The following CNTLN variants were observed in gnomAD, a reference collection of about 807,000 sequenced individuals.
The protein encoded by CNTLN is centlein.
CNTLN carries 212 observed loss-of-function variants against 180.0 expected under a neutral mutation model. The ratio of observed to expected loss-of-function variants is 1.18; its 90% CI spans 1.05 to 1.32. The LOEUF (loss-of-function observed/expected upper bound fraction) is 1.32. Ranked by LOEUF, CNTLN falls within the 40% of genes most tolerant of loss-of-function variation. The pLI, the probability that CNTLN is intolerant of heterozygous loss-of-function variation, is 0.00. For missense variants in CNTLN, 2,095 were observed against 1,610.9 expected (o/e 1.30, Z -5.14); for synonymous variants, 722 against 563.1 (o/e 1.28, Z -3.99).
At chr9:17,465,337 C>G (rs892469006) in intron 21 of CNTLN, among the ~76,000 whole-genome samples, 1 of 150,576 alleles carries the variant, frequency 6.6e-6, no homozygotes, top group African/African-American at 2.4e-5. Flanking sequence ...TTCTCTTCCA[C>G]ACATCTGTGC....
intron 3 of CNTLN, among the ~76,000 whole-genome samples, chr9:17,228,065 C>A (rs765626498): frequency 1.3e-5 from 2 of 151,962 alleles, no homozygotes; most frequent in Non-Finnish European, 2.9e-5. Flanking sequence ...AATGTAGATA[C>A]AAGTTTAGCG....
intron 8 of CNTLN, among the ~76,000 whole-genome samples, chr9:17,329,819 C>A (rs1432432870): frequency 6.6e-6 from 1 of 151,148 alleles, no homozygotes; most frequent in African/African-American, 2.4e-5. Context: ...GCTACTAGAT[C>A]CTTATTGATA....
intron 2 of CNTLN, among the ~76,000 whole-genome samples, chr9:17,152,094 A>G (rs1310162695): frequency 6.6e-6 from 1 of 151,784 alleles, no homozygotes. Flanking sequence ...TGTTTTGTTG[A>G]TGTTTTCAAA....
At chr9:17,269,826 C>G (rs1332177652) in intron 5 of CNTLN, among the ~76,000 whole-genome samples, 1 of 152,068 alleles carries the variant, frequency 6.6e-6, no homozygotes, top group Non-Finnish European at 1.5e-5. Context: ...TTCTAGACCA[C>G]CACAATAAAG....
At chr9:17,416,659 G>A (rs1465453293) in intron 18 of CNTLN, among the ~76,000 whole-genome samples, 1 of 152,100 alleles carries the variant, frequency 6.6e-6, no homozygotes, top group African/African-American at 2.4e-5. Context: ...CTATTTTAAT[G>A]TATTCCAGTA....
At position 17,309,064 on chromosome 9, in the gene CNTLN, A is replaced by G. The variant is rs1818943297; in HGVS notation, c.1153A>G (p.Asn385Asp). The G allele has an allele frequency of 6.3e-7, 1 of 1,574,850 alleles. No individual in the cohort carries two copies. The highest frequency in any genetic ancestry group is 8.6e-7 in the Non-Finnish European group (1 of 1,166,476). The change falls in exon 8 of 26, where the codon AAT (asparagine) becomes GAT (aspartate). Residue 385 changes from asparagine to aspartate, a missense_variant. By Grantham distance (23) the Asn-to-Asp change is conservative. Coordinates refer to ENST00000380647, the MANE Select transcript of CNTLN (RefSeq NM_017738.4). ...AESISYQKLY[N>D]ELHICFETTK... ...GATATATTTTTTGAAACAGCTTTAC[A>G]ATGAGTTACATATTTGTTTTGAAAC... is the stretch of plus-strand genomic sequence containing the variant.
intron 5 of CNTLN, among the ~76,000 whole-genome samples, chr9:17,272,385 T>G (rs1828016270): frequency 6.6e-6 from 1 of 152,164 alleles, no homozygotes; most frequent in Admixed American, 6.6e-5. Flanking sequence ...AGATAATGTT[T>G]ATTTCTGATT....
At chr9:17,273,712 A>T in intron 5 of CNTLN, 21 bp from the exon 6 acceptor site, 1 of 1,344,082 alleles carries the variant, frequency 7.4e-7, no homozygotes, top group Non-Finnish European at 1.0e-6. Flanking sequence ...TTGATTATTG[A>T]TATAAGCACT....
chr9:17,359,999 T>A lies in CNTLN; in HGVS notation c.1887-6618T>A, dbSNP rs144356888. ...AGTGTTCATCTTGATGTGTCTTATT[T>A]TTCTAGATTTTTAAATTGGAAGCTT... On this transcript the variant is annotated intron_variant, in intron 12 of 25. Coordinates refer to ENST00000380647, the MANE Select transcript of CNTLN (RefSeq NM_017738.4). Among the ~76,000 whole-genome samples the A allele has an allele frequency of 7.3e-3, 1,113 of 152,248 alleles. 7 individuals are homozygous for A. Among genetic ancestry groups the A allele is most frequent in the South Asian group, 0.039 (189 of 4,806 alleles).
chr9:17,318,084 G>T (rs1819650623), intron 8 of CNTLN, among the ~76,000 whole-genome samples: 1 of 149,748 alleles, frequency 6.7e-6, no homozygotes, highest in Non-Finnish European at 1.5e-5. Flanking sequence ...CTGGAGTCCA[G>T]TGGCATAATC....
chr9:17,416,161 G>A lies in CNTLN; in HGVS notation c.3086G>A (p.Arg1029Gln), dbSNP rs754809682. 6.8e-6 allele frequency: 11 copies of A among 1,613,082 alleles called. No individual in the cohort carries two copies. The highest frequency in any genetic ancestry group is 3.3e-5 in the South Asian group (3 of 90,938). The change falls in exon 18 of 26, where the codon CGA (arginine) becomes CAA (glutamine). Residue 1029 changes from arginine to glutamine, a missense_variant. Physicochemically the swap from Arg to Gln is conservative, Grantham distance 43. Coordinates refer to ENST00000380647, the MANE Select transcript of CNTLN (RefSeq NM_017738.4). Reference protein sequence around the residue: ...LLHQQQVSDQRFQTSRQTIKK... With the variant: ...LLHQQQVSDQQFQTSRQTIKK... ...CATCAACAGCAAGTATCCGATCAAC[G>A]ATTTCAGACAAGCAGGCAGACAATA...
intron 25 of CNTLN, among the ~76,000 whole-genome samples, chr9:17,500,304 C>T (rs7036629): frequency 1.3e-5 from 2 of 152,108 alleles, no homozygotes; most frequent in Admixed American, 1.3e-4. Context: ...TGGAGGCTTT[C>T]TGGAAGAGTT....
At chr9:17,489,973 G>A (rs745591325) in intron 25 of CNTLN, among the ~76,000 whole-genome samples, 18 of 152,038 alleles carry the variant, frequency 1.2e-4, no homozygotes, top group Non-Finnish European at 2.6e-4. Flanking sequence ...TTTTCACATT[G>A]ATATATTTTT....
chr9:17,205,335 T>C (rs1244645430), intron 2 of CNTLN, among the ~76,000 whole-genome samples: 1 of 152,112 alleles, frequency 6.6e-6, no homozygotes, highest in Non-Finnish European at 1.5e-5. Context: ...GATAAGCAAA[T>C]TGGTATAATA....
the CNTLN span, among the ~76,000 whole-genome samples, chr9:17,519,248 T>G: frequency 6.6e-6 from 1 of 151,434 alleles, no homozygotes; most frequent in East Asian, 1.9e-4. Context: ...TTGAGTGTTT[T>G]TTTTTTTTTT....
At chr9:17,489,208 T>A (rs1833029614) in intron 25 of CNTLN, among the ~76,000 whole-genome samples, 1 of 152,042 alleles carries the variant, frequency 6.6e-6, no homozygotes, top group African/African-American at 2.4e-5. Context: ...AGAAAAGGTT[T>A]TCTTTGCCCA....
At chr9:17,291,325 C>G (rs1244960854) in intron 6 of CNTLN, among the ~76,000 whole-genome samples, 4 of 152,096 alleles carry the variant, frequency 2.6e-5, no homozygotes, top group Non-Finnish European at 5.9e-5. Context: ...ATCAGGTCCA[C>G]TTGATCCAGA....
intron 2 of CNTLN, among the ~76,000 whole-genome samples, chr9:17,185,054 T>C (rs1821347235): frequency 6.6e-6 from 1 of 152,202 alleles, no homozygotes; most frequent in Admixed American, 6.5e-5. Flanking sequence ...TCTAGCCAAA[T>C]GCTCCTTTGT....
At chr9:17,253,052 G>C (rs1826250418) in intron 5 of CNTLN, among the ~76,000 whole-genome samples, 1 of 151,290 alleles carries the variant, frequency 6.6e-6, no homozygotes, top group South Asian at 2.1e-4. Flanking sequence ...TATATTCTTA[G>C]TTGCTTTGTT....
Sources: gnomAD v4.1 joint callset for allele counts (sites outside exome capture counted in the v4.1 genomes callset) on GRCh38, gnomAD v4.1.1 for gene constraint, MANE v1.5 for transcripts, NCBI Gene and HGNC (gene_info 2026-07-23, HGNC 2026-07-21) for gene names.